PTPRK: variants seen among roughly 807,000 people sequenced by gnomAD.
The protein encoded by PTPRK is receptor-type tyrosine-protein phosphatase kappa.
PTPRK carries 75 observed loss-of-function variants against 178.0 expected under a neutral mutation model. The observed-to-expected ratio is 0.42, with a 90% CI of 0.35 to 0.51. The LOEUF (loss-of-function observed/expected upper bound fraction) is 0.51, where lower values mean the gene tolerates loss of function less well. PTPRK is among the 20% of genes least tolerant of loss of function. The pLI, the probability that PTPRK is intolerant of heterozygous loss-of-function variation, is 0.02. For synonymous variants in PTPRK, 637 were observed against 620.6 expected (o/e 1.03, Z -0.39); for missense variants, 1,441 against 1,797.8 (o/e 0.80, Z 3.59).
chr6:128,380,552 A>G (rs1470325809), intron 2 of PTPRK, among the ~76,000 whole-genome samples: 1 of 142,616 alleles, frequency 7.0e-6, no homozygotes, highest in African/African-American at 2.7e-5. Context: ...ACACACACAC[A>G]CGTGTGTGTG....
intron 7 of PTPRK, among the ~76,000 whole-genome samples, chr6:128,105,621 A>G (rs1346022992): frequency 6.6e-6 from 1 of 152,238 alleles, no homozygotes; most frequent in Non-Finnish European, 1.5e-5. Context: ...TTCATAGCAT[A>G]GGAAGAACAG....
At chr6:128,157,125 C>T (rs1798053784) in intron 7 of PTPRK, among the ~76,000 whole-genome samples, 1 of 152,012 alleles carries the variant, frequency 6.6e-6, no homozygotes, top group Non-Finnish European at 1.5e-5. Context: ...ATTTAATAAT[C>T]CCTCTTGCTT....
rs1307270218 is a variant in PTPRK at position 128,393,494 on chromosome 6, G to C, written c.223+4072C>G. On this transcript the variant is annotated intron_variant, in intron 2 of 29. Coordinates refer to ENST00000368226, the MANE Select transcript of PTPRK (RefSeq NM_002844.4). The stretch of plus-strand genomic sequence containing the variant: ...CATAGTACAGTGGGCCGCATCTTCT[G>C]ATATGAGGATAGAAGAAACAGAGTT... Among the ~76,000 whole-genome samples, 3 of 152,170 alleles carry C rather than the reference G, an allele frequency of 2.0e-5. No homozygotes were observed. In the East Asian group the frequency reaches 5.8e-4, roughly 29 times the overall value.
At chr6:128,487,004 G>A (rs1324223627) in intron 1 of PTPRK, among the ~76,000 whole-genome samples, 2 of 151,160 alleles carry the variant, frequency 1.3e-5, no homozygotes, top group Non-Finnish European at 2.9e-5. Context: ...AGGAAATGTT[G>A]AATAGTTAAA....
chr6:128,110,741 T>C (rs1790519065), intron 7 of PTPRK, among the ~76,000 whole-genome samples: 1 of 152,182 alleles, frequency 6.6e-6, no homozygotes, highest in African/African-American at 2.4e-5. Context: ...AATATAACCA[T>C]ATATTTTCAG....
intron 5 of PTPRK, among the ~76,000 whole-genome samples, chr6:128,234,287 G>A (rs1441234297): frequency 2.0e-5 from 3 of 152,162 alleles, no homozygotes; most frequent in Non-Finnish European, 1.5e-5. Flanking sequence ...AGCACTGCCA[G>A]TAAGTTCGTT....
intron 3 of PTPRK, among the ~76,000 whole-genome samples, chr6:128,298,400 A>G (rs1262497126): frequency 6.6e-6 from 1 of 151,108 alleles, no homozygotes; most frequent in Non-Finnish European, 1.5e-5. Flanking sequence ...TCATCCTGAT[A>G]CCAAAGCCGG....
In PTPRK at chr6:127,979,529, A is replaced by T. The variant is rs186427012; in HGVS notation, c.3711+1587T>A. Among the ~76,000 whole-genome samples the T allele has an allele frequency of 1.8e-3, 273 of 152,308 alleles. 3 individuals carry two copies. The highest frequency in any genetic ancestry group is 1.4e-3 in the Admixed American group (21 of 15,296). On this transcript the variant is annotated intron_variant, in intron 25 of 29. Transcript: ENST00000368226. ...TATAAAAAGAAAAGGTATAATTAGG[A>T]TTTAATGTGATTTCAGTGGATGTGA...
chr6:128,484,255 T>A (rs541961263), intron 1 of PTPRK, among the ~76,000 whole-genome samples: 1 of 152,302 alleles, frequency 6.6e-6, no homozygotes, highest in South Asian at 2.1e-4. Flanking sequence ...AGCAAACCTA[T>A]GTTTTCTCAA....
chr6:128,135,486 C>T (rs901636021), intron 7 of PTPRK, among the ~76,000 whole-genome samples: 1 of 151,912 alleles, frequency 6.6e-6, no homozygotes, highest in African/African-American at 2.4e-5. Flanking sequence ...TTCACTTTTG[C>T]CTTGTTATCA....
At chr6:128,153,700 A>G (rs143278223) in intron 7 of PTPRK, among the ~76,000 whole-genome samples, 50 of 152,114 alleles carry the variant, frequency 3.3e-4, no homozygotes, top group Admixed American at 1.3e-3. Context: ...TAAAGGCATT[A>G]TAACACTGTT....
At chr6:127,973,529 C>T in intron 28 of PTPRK, 135 bp downstream of exon 28, 1 of 978,886 alleles carries the variant, frequency 1.0e-6, no homozygotes, top group East Asian at 2.5e-5. Flanking sequence ...ATTATAGACT[C>T]ATGAGACAGG....
At chr6:128,094,377 G>C (rs1787553093) in intron 7 of PTPRK, among the ~76,000 whole-genome samples, 1 of 152,156 alleles carries the variant, frequency 6.6e-6, no homozygotes, top group South Asian at 2.1e-4. Flanking sequence ...TAAGGAGGGG[G>C]ACAGCAGGAA....
intron 5 of PTPRK, among the ~76,000 whole-genome samples, chr6:128,224,861 A>G (rs1039330190): frequency 1.1e-4 from 17 of 152,336 alleles, no homozygotes; most frequent in Admixed American, 1.0e-3. Flanking sequence ...TCTAAGGGAA[A>G]TGCTGATGCA....
chr6:128,447,005 C>A (rs1847117374), intron 1 of PTPRK, among the ~76,000 whole-genome samples: 1 of 152,106 alleles, frequency 6.6e-6, no homozygotes, highest in South Asian at 2.1e-4. Flanking sequence ...TTCTTAAGGA[C>A]AAGGATGATC....
Position 128,029,638 on chromosome 6 carries a change from A to AAATAAT in PTPRK, c.2195-20376_2195-20371dup, listed in dbSNP as rs55955361. Among the ~76,000 whole-genome samples, 350 of 137,026 alleles carry AAATAAT rather than the reference A, an allele frequency of 2.6e-3. 1 individual carries two copies. The highest frequency in any genetic ancestry group is 4.6e-3 in the South Asian group (19 of 4,118). The allele number at this position is 137,026 out of a possible 152,430, so 89.9% of individuals were successfully genotyped here. A position where few individuals can be genotyped will look rare whatever the true frequency, so the allele number is the denominator to read the frequency against. On this transcript the variant is annotated intron_variant, in intron 13 of 29. Transcript: ENST00000368226. ...GGTGACAGAGTGAGATTCCATCTCA[A>AAATAAT]AATAATAATAATAATAATAATAATA...
chr6:128,093,594 CT>C (rs1393545078), intron 7 of PTPRK, among the ~76,000 whole-genome samples: 1 of 26,692 alleles, frequency 3.7e-5, no homozygotes, highest in African/African-American at 2.0e-4. Flanking sequence ...GAGACTCTCT[CT>C]CAAAAAAAAA....
At chr6:128,348,693 A>G (rs887460651) in intron 2 of PTPRK, among the ~76,000 whole-genome samples, 1 of 151,990 alleles carries the variant, frequency 6.6e-6, no homozygotes, top group African/African-American at 2.4e-5. Context: ...ATAATGGTCG[A>G]ATTGAAGAGA....
intron 11 of PTPRK, among the ~76,000 whole-genome samples, chr6:128,076,951 GATCA>G (rs1268625619): frequency 6.6e-6 from 1 of 151,914 alleles, no homozygotes; most frequent in Non-Finnish European, 1.5e-5. Flanking sequence ...CATAATAAAT[GATCA>G]ATCAATGTTT....
Sources: gnomAD v4.1 joint callset for allele counts (sites outside exome capture counted in the v4.1 genomes callset) on GRCh38, gnomAD v4.1.1 for gene constraint, MANE v1.5 for transcripts, NCBI Gene and HGNC (gene_info 2026-07-23, HGNC 2026-07-21) for gene names.